Variants in OTUD7A observed in about 807,000 individuals in gnomAD.
OTUD7A encodes OTU domain-containing protein 7A.
Under a neutral mutation model 65.7 loss-of-function variants are expected in OTUD7A, and 12 were observed. That is an observed-to-expected ratio of 0.18 (90% confidence interval 0.12 to 0.30). The LOEUF (loss-of-function observed/expected upper bound fraction) is 0.30. Ranked by LOEUF, OTUD7A falls within the 10% of genes least tolerant of loss-of-function variation. The pLI is 1.00. For synonymous variants in OTUD7A, 641 were observed against 586.3 expected (o/e 1.09, Z -1.35); for missense variants, 1,148 against 1,304.8 (o/e 0.88, Z 1.85).
intron 1 of OTUD7A, among the ~76,000 whole-genome samples, chr15:31,729,451 A>G (rs766946124): frequency 2.8e-4 from 43 of 152,212 alleles, no homozygotes; most frequent in Non-Finnish European, 4.7e-4. Context: ...TTATGGCCAC[A>G]GTCACATTAA....
At chr15:31,711,201 A>C (rs1239383316) in intron 1 of OTUD7A, among the ~76,000 whole-genome samples, 1 of 151,980 alleles carries the variant, frequency 6.6e-6, no homozygotes, top group East Asian at 1.9e-4. Context: ...AAAGTTCAGA[A>C]AACACATAAG....
chr15:31,494,426 C>T (rs1434440084), intron 10 of OTUD7A, among the ~76,000 whole-genome samples: 1 of 152,214 alleles, frequency 6.6e-6, no homozygotes, highest in African/African-American at 2.4e-5. Flanking sequence ...CTTGTATTCC[C>T]AGCTTCCAGA....
chr15:31,616,992 T>C (rs1295334333), intron 3 of OTUD7A, among the ~76,000 whole-genome samples: 1 of 151,952 alleles, frequency 6.6e-6, no homozygotes, highest in Non-Finnish European at 1.5e-5. Flanking sequence ...TTTTAAGAAA[T>C]AGCAAATTTA....
intron 1 of OTUD7A, among the ~76,000 whole-genome samples, chr15:31,836,549 A>G (rs949504755): frequency 6.6e-6 from 1 of 152,198 alleles, no homozygotes; most frequent in Non-Finnish European, 1.5e-5. Context: ...GAGAGTACAG[A>G]AAGAGTACCA....
intron 10 of OTUD7A, among the ~76,000 whole-genome samples, chr15:31,492,694 C>T (rs544520861): frequency 4.0e-5 from 6 of 151,230 alleles, no homozygotes; most frequent in South Asian, 2.1e-4. Context: ...GGAAATAAAA[C>T]GGAACCATTA....
chr15:31,867,766 T>C (rs1235834041), intron 1 of OTUD7A, among the ~76,000 whole-genome samples: 3 of 152,174 alleles, frequency 2.0e-5, no homozygotes, highest in Non-Finnish European at 4.4e-5. Flanking sequence ...AGAGCCACCT[T>C]CCAAAGACAT....
At chr15:31,719,744 A>T (rs2654035) in intron 1 of OTUD7A, among the ~76,000 whole-genome samples, 28 of 152,206 alleles carry the variant, frequency 1.8e-4, no homozygotes, top group Non-Finnish European at 3.4e-4. Flanking sequence ...CATCTTACTC[A>T]GAAGAAAAGC....
At chr15:31,604,449 T>C (rs1188132158) in intron 3 of OTUD7A, among the ~76,000 whole-genome samples, 1 of 147,160 alleles carries the variant, frequency 6.8e-6, no homozygotes, top group African/African-American at 2.5e-5. Context: ...TGTTGAGGGG[T>C]GGGGGGCCAA....
intron 1 of OTUD7A, among the ~76,000 whole-genome samples, chr15:31,820,160 A>C (rs1433523545): frequency 6.6e-6 from 1 of 152,244 alleles, no homozygotes; most frequent in Non-Finnish European, 1.5e-5. Context: ...CAAAACACAG[A>C]AATCAGTAAA....
At chr15:31,802,141 G>GTATA (rs1555419391) in intron 1 of OTUD7A, among the ~76,000 whole-genome samples, 9,891 of 142,270 alleles carry the variant, frequency 0.07, 451 homozygotes, top group South Asian at 0.14. Flanking sequence ...GTGTGTGTGT[G>GTATA]TATATATATA....
chr15:31,653,909 C>T (rs1891914224), intron 3 of OTUD7A, among the ~76,000 whole-genome samples: 1 of 144,324 alleles, frequency 6.9e-6, no homozygotes, highest in African/African-American at 2.6e-5. Flanking sequence ...CTGCTACATG[C>T]TGCTTCTTTA....
At chr15:31,851,898 G>A (rs181170218) in intron 1 of OTUD7A, among the ~76,000 whole-genome samples, 32 of 152,200 alleles carry the variant, frequency 2.1e-4, no homozygotes, top group East Asian at 3.9e-4. Flanking sequence ...TCGCTCTGTC[G>A]CCCAGACTGG....
chr15:31,526,624 G>A (rs929977763), intron 7 of OTUD7A, among the ~76,000 whole-genome samples, 163 bp from the exon 8 acceptor site: 1 of 152,206 alleles, frequency 6.6e-6, no homozygotes, highest in Non-Finnish European at 1.5e-5. Context: ...CCTTTGCTAT[G>A]CACAATATAT....
At chr15:31,539,787 G>T (rs375173997) in intron 5 of OTUD7A, among the ~76,000 whole-genome samples, 37 of 152,304 alleles carry the variant, frequency 2.4e-4, no homozygotes, top group East Asian at 1.3e-3. Context: ...CACATAAAGA[G>T]AGATAAAGCA....
In OTUD7A at chr15:31,498,450, T is replaced by A. The variant is rs988706077; in HGVS notation, c.1171+3240A>T. Among the ~76,000 whole-genome samples, 1 of 151,778 alleles carries A rather than the reference T, an allele frequency of 6.6e-6. No homozygotes were observed. Among genetic ancestry groups the A allele is most frequent in the Non-Finnish European group, 1.5e-5 (1 of 67,952 alleles). On this transcript the variant is annotated intron_variant, in intron 10 of 12. Transcript: ENST00000307050. The surrounding 1 kb of genome is among the most constrained non-coding windows in gnomAD (Gnocchi z 4.2). The stretch of plus-strand genomic sequence containing the variant: ...AATGTTTGCTATAAAAGGAGGGGAG[T>A]TGGGATTGTTGCACTGGATGATTCC...
intron 1 of OTUD7A, among the ~76,000 whole-genome samples, chr15:31,736,929 C>T (rs1368523451): frequency 6.6e-6 from 1 of 152,012 alleles, no homozygotes; most frequent in Non-Finnish European, 1.5e-5. Context: ...TCAAGTGATT[C>T]TCCTGCCTCA....
chr15:31,501,347 C>T (rs925205908), intron 10 of OTUD7A, among the ~76,000 whole-genome samples: 3 of 152,162 alleles, frequency 2.0e-5, no homozygotes, highest in Non-Finnish European at 2.9e-5. Context: ...TTCATTAATA[C>T]TTGCTTTTGA....
chr15:31,593,898 T>C (rs534985381), intron 3 of OTUD7A, among the ~76,000 whole-genome samples: 4 of 152,144 alleles, frequency 2.6e-5, no homozygotes, highest in African/African-American at 9.7e-5. Flanking sequence ...TGGGAACCTG[T>C]TGGAATAAAA....
intron 10 of OTUD7A, among the ~76,000 whole-genome samples, chr15:31,489,173 G>T (rs971944813): frequency 6.6e-6 from 1 of 152,184 alleles, no homozygotes; most frequent in South Asian, 2.1e-4. Flanking sequence ...TGGGGCAGGG[G>T]GTGGCACAGG....
Sources: gnomAD v4.1 joint callset for allele counts (sites outside exome capture counted in the v4.1 genomes callset) on GRCh38, gnomAD v4.1.1 for gene constraint, Gnocchi (gnomAD v3.1) non-coding constraint, MANE v1.5 for transcripts, NCBI Gene and HGNC (gene_info 2026-07-23, HGNC 2026-07-21) for gene names.